Variants in USP37 observed in about 807,000 individuals in gnomAD.
The protein encoded by USP37 is ubiquitin specific peptidase 37.
USP37 carries 27 observed loss-of-function variants against 124.0 expected under a neutral mutation model. That is an observed-to-expected ratio of 0.22 (90% CI 0.16 to 0.30). The LOEUF (loss-of-function observed/expected upper bound fraction) is 0.30, where lower values mean the gene tolerates loss of function less well. USP37 is among the 10% of genes least tolerant of loss of function. The probability of loss-of-function intolerance (pLI) is 1.00; values close to 1 mark genes in which losing one functional copy is unlikely to be tolerated. For missense variants in USP37, 889 were observed against 1,140.4 expected (o/e 0.78, Z 3.17); for synonymous variants, 365 against 388.0 (o/e 0.94, Z 0.70).
Position 218,466,098 on chromosome 2 carries a change from T to G in USP37, c.2378A>C (p.Glu793Ala), listed in dbSNP as rs1690300378. The G allele has an allele frequency of 1.9e-6, 3 of 1,613,968 alleles. No homozygotes were observed. The highest frequency in any genetic ancestry group is 1.1e-5 in the South Asian group (1 of 91,040). The change falls in exon 21 of 26, where the codon GAA becomes GCA. Residue 793 changes from glutamate to alanine, a missense_variant. By Grantham distance (107) the Glu-to-Ala change is moderately radical. Transcript: ENST00000258399. ...ENKTPEGSQG[E>A]VDWLQQYDME... ...ATCATACTGCTGGAGCCAATCAACTTCTCCCTGAGATCCTTCTGGAGTTTT... is the reference window on the plus strand; with the variant it reads ...ATCATACTGCTGGAGCCAATCAACTGCTCCCTGAGATCCTTCTGGAGTTTT...
intron 17 of USP37, among the ~76,000 whole-genome samples, chr2:218,481,330 G>T (rs956812280): frequency 6.6e-6 from 1 of 152,136 alleles, no homozygotes; most frequent in African/African-American, 2.4e-5. Flanking sequence ...ACATCTGCAT[G>T]TCCTGAAGAG....
At chr2:218,465,183 T>C (rs944787610) in intron 21 of USP37, among the ~76,000 whole-genome samples, 1 of 152,152 alleles carries the variant, frequency 6.6e-6, no homozygotes, top group Non-Finnish European at 1.5e-5. Context: ...TCATAAAAAA[T>C]TTATATTCTT....
In USP37 at chr2:218,497,758, C is replaced by A; in HGVS notation, c.1257G>T (p.Glu419Asp). The A allele has an allele frequency of 6.2e-7, 1 of 1,614,102 alleles. No individual in the cohort carries two copies. Among genetic ancestry groups the A allele is most frequent in the Non-Finnish European group, 8.5e-7 (1 of 1,180,018 alleles). The change falls in exon 13 of 26, where the codon GAG becomes GAT. Residue 419 changes from glutamate (E) to aspartate (D), a missense_variant. Glu to Asp is a conservative substitution (Grantham distance 45, BLOSUM62 2). Around this residue, in one of 3 missense-constraint regions of USP37, gnomAD observed 504 missense variants for 714.3 expected, o/e 0.71. Coordinates refer to ENST00000258399, the MANE Select transcript of USP37 (RefSeq NM_020935.3). Reference protein sequence around the residue: ...KVKNAISATAERFSGYMQNDA... With the variant: ...KVKNAISATADRFSGYMQNDA... The stretch of plus-strand genomic sequence containing the variant: ...CATTCTGCATATAACCAGAGAATCT[C>A]TCTGCTGTAGCTGAAATGGCATTTT...
At chr2:218,477,019 T>C in intron 18 of USP37, 38 bp from the exon 19 acceptor site, 2 of 1,469,892 alleles carry the variant, frequency 1.4e-6, no homozygotes, top group Non-Finnish European at 9.0e-7. Flanking sequence ...CTGATAAACA[T>C]TTGTCTTTGT....
At chr2:218,560,942 A>G (rs1287231839) in intron 2 of USP37, 59 bp from the exon 3 acceptor site, 1 of 152,248 alleles carries the variant, frequency 6.6e-6, no homozygotes, top group African/African-American at 2.4e-5. Context: ...GTTAAGTATC[A>G]TAAGTACTCT....
At chr2:218,530,088 T>C (rs554851260) in intron 9 of USP37, 48 bp from the exon 10 acceptor site, 3 of 1,413,458 alleles carry the variant, frequency 2.1e-6, no homozygotes, top group African/African-American at 2.9e-5. Flanking sequence ...AAATCAACCA[T>C]TCAAGTTCAT....
intron 14 of USP37, among the ~76,000 whole-genome samples, chr2:218,490,483 C>T (rs1172727576): frequency 6.6e-6 from 1 of 152,116 alleles, no homozygotes; most frequent in Non-Finnish European, 1.5e-5. Context: ...TTCAATTTAC[C>T]TAGAGGCAAA....
chr2:218,522,175 A>G (rs1399836141), intron 10 of USP37, among the ~76,000 whole-genome samples: 1 of 151,526 alleles, frequency 6.6e-6, no homozygotes, highest in East Asian at 1.9e-4. Flanking sequence ...ACCACACCGC[A>G]CCAACATTAA....
chr2:218,565,704 T>C (rs1693558037), intron 1 of USP37, among the ~76,000 whole-genome samples: 1 of 152,230 alleles, frequency 6.6e-6, no homozygotes, highest in South Asian at 2.1e-4. Context: ...GTCACTAGCC[T>C]ATATTCTAAT....
intron 18 of USP37, 34 bp downstream of exon 18, chr2:218,479,616 C>A (rs746608129): frequency 6.9e-6 from 11 of 1,585,686 alleles, no homozygotes; most frequent in Non-Finnish European, 9.5e-6. Context: ...AAACCTTAAA[C>A]ACAGATTTTG....
intron 8 of USP37, among the ~76,000 whole-genome samples, chr2:218,541,622 A>ATGTCAATATGG (rs1691978513): frequency 6.6e-6 from 1 of 152,136 alleles, no homozygotes; most frequent in Non-Finnish European, 1.5e-5. Context: ...GTAGGAAGAG[A>ATGTCAATATGG]TGTCAATATG....
Position 218,558,616 on chromosome 2 carries a change from C to T in USP37, c.38G>A (p.Arg13Gln), listed in dbSNP as rs1693153945. 3 of 1,612,698 alleles carry T rather than the reference C, an allele frequency of 1.9e-6. No homozygotes were observed. Among genetic ancestry groups the T allele is most frequent in the African/African-American group, 1.3e-5 (1 of 74,854 alleles). ...CTTTGTAATCCCAGTCTGCATACTT[C>T]GAATTCTGATAGGACCATGTATCTT... ...PLKIHGPIRI[R>Q]SMQTGITKWK... Residue 13 changes from arginine to glutamine, a missense_variant, in exon 4 of 26, where the codon CGA becomes CAA. Around this residue, in one of 3 missense-constraint regions of USP37, gnomAD observed 374 missense variants for 386.0 expected, o/e 0.97. Coordinates refer to ENST00000258399, the MANE Select transcript of USP37 (RefSeq NM_020935.3).
In USP37 at chr2:218,560,816, T is replaced by A. The variant is rs895818883; in HGVS notation, c.-25+4A>T. ...TTAACAGCTACAAATCAAACAAAAC[T>A]CACCTACAGGCAGGATACAGTTTGG... On this transcript the variant is annotated splice_donor_region_variant and intron_variant, in intron 3 of 25. Coordinates refer to ENST00000258399, the MANE Select transcript of USP37 (RefSeq NM_020935.3). 6.6e-6 allele frequency: 1 copy of A among 152,168 alleles called. No homozygotes were observed. 9.4% of individuals were successfully genotyped at this position (152,168 alleles called of 1,614,324 possible).
intron 6 of USP37, among the ~76,000 whole-genome samples, chr2:218,547,329 T>TA (rs34759621): frequency 1.3e-5 from 2 of 151,878 alleles, no homozygotes; most frequent in Non-Finnish European, 2.9e-5. Context: ...ACCCTATCTC[T>TA]AAAAAAAGGA....
chr2:218,515,491 C>A (rs1289341117), intron 10 of USP37, among the ~76,000 whole-genome samples: 1 of 152,098 alleles, frequency 6.6e-6, no homozygotes, highest in Non-Finnish European at 1.5e-5. Flanking sequence ...ACTGGCTAGC[C>A]ATATGCAGAG....
intron 23 of USP37, among the ~76,000 whole-genome samples, chr2:218,459,477 T>A (rs916065570): frequency 6.6e-6 from 1 of 152,240 alleles, no homozygotes; most frequent in Non-Finnish European, 1.5e-5. Flanking sequence ...AGTGCTGGGA[T>A]TACAGGCGTG....
intron 2 of USP37, among the ~76,000 whole-genome samples, chr2:218,561,624 C>T (rs764235330): frequency 6.7e-6 from 1 of 149,660 alleles, no homozygotes; most frequent in Non-Finnish European, 1.5e-5. Flanking sequence ...TACCACTGCA[C>T]TCCAGCCTGG....
chr2:218,468,442 C>T (rs1438879102), intron 20 of USP37, among the ~76,000 whole-genome samples: 7 of 151,362 alleles, frequency 4.6e-5, no homozygotes, highest in Non-Finnish European at 8.8e-5. Context: ...AGGCTGGTCT[C>T]GAACTCCTGA....
chr2:218,539,221 A>G (rs1691836128), intron 8 of USP37, among the ~76,000 whole-genome samples: 1 of 152,000 alleles, frequency 6.6e-6, no homozygotes, highest in Non-Finnish European at 1.5e-5. Flanking sequence ...TGCCTCCCAA[A>G]GTGCTGGGAT....
Sources: allele counts gnomAD v4.1 joint callset (sites outside exome capture counted in the v4.1 genomes callset), GRCh38; gene constraint gnomAD v4.1.1; regional missense constraint gnomAD v4.1.1; transcripts MANE v1.5; gene names NCBI Gene and HGNC (gene_info 2026-07-23, HGNC 2026-07-21).